CTNNA2: variants seen among roughly 807,000 people sequenced by gnomAD.
CTNNA2 encodes catenin alpha 2.
Under a neutral mutation model 101.0 loss-of-function variants are expected in CTNNA2, and 42 were observed. The ratio of observed to expected loss-of-function variants is 0.42; its 90% confidence interval spans 0.32 to 0.54. The LOEUF (loss-of-function observed/expected upper bound fraction) is 0.54, where lower values mean the gene tolerates loss of function less well. Among genes scored for constraint, CTNNA2 ranks in the 20% least tolerant of loss-of-function variants. CTNNA2 has a pLI of 0.14. For missense variants in CTNNA2, 871 were observed against 1,223.1 expected, an observed-to-expected ratio of 0.71 and a Z score of 4.29; for synonymous variants, 450 against 456.4, an observed-to-expected ratio of 0.99 and a Z score of 0.18.
intron 4 of CTNNA2, among the ~76,000 whole-genome samples, chr2:79,405,981 A>T (rs983565386): frequency 6.6e-6 from 1 of 152,074 alleles, no homozygotes; most frequent in Non-Finnish European, 1.5e-5. Flanking sequence ...AAGAGGAGGC[A>T]TACTCAACAG....
chr2:80,313,852 C>A (rs1315213568), intron 7 of CTNNA2, among the ~76,000 whole-genome samples: 1 of 152,180 alleles, frequency 6.6e-6, no homozygotes, highest in East Asian at 1.9e-4. Context: ...AAATGAGATA[C>A]TATGTGGGCT....
At chr2:79,389,806 C>G (rs1678152335) in intron 4 of CTNNA2, among the ~76,000 whole-genome samples, 2 of 152,052 alleles carry the variant, frequency 1.3e-5, no homozygotes, top group Admixed American at 1.3e-4. Flanking sequence ...TTGAATGAGA[C>G]TAATTTAGAG....
At chr2:80,168,308 A>C (rs1243374695) in intron 7 of CTNNA2, among the ~76,000 whole-genome samples, 1 of 152,178 alleles carries the variant, frequency 6.6e-6, no homozygotes, top group Non-Finnish European at 1.5e-5. Flanking sequence ...ACTAGTTTGA[A>C]ATAGGTGACA....
chr2:80,434,988 T>C (rs2149432560), intron 9 of CTNNA2, among the ~76,000 whole-genome samples: 1 of 152,198 alleles, frequency 6.6e-6, no homozygotes, highest in African/African-American at 2.4e-5. Context: ...TGTATCAGGG[T>C]TTCTCAACCT....
intron 12 of CTNNA2, among the ~76,000 whole-genome samples, chr2:80,562,645 T>C (rs1352428973): frequency 6.6e-6 from 1 of 151,906 alleles, no homozygotes; most frequent in Non-Finnish European, 1.5e-5. Context: ...TGCACAAGAT[T>C]ATTTATTACA....
intron 7 of CTNNA2, among the ~76,000 whole-genome samples, chr2:80,227,532 T>C (rs1039115734): frequency 2.0e-5 from 3 of 152,214 alleles, no homozygotes; most frequent in Non-Finnish European, 4.4e-5. Flanking sequence ...TCCTTCTCCA[T>C]AGAAGCACAG....
At chr2:80,601,636 C>CT (rs980726111) in intron 15 of CTNNA2, 4 of 151,304 alleles carry the variant, frequency 2.6e-5, no homozygotes, top group Non-Finnish European at 5.9e-5. Context: ...GCTGTCTTAT[C>CT]TTTTTTACTT....
chr2:79,386,192 G>A (rs955107303), intron 4 of CTNNA2, among the ~76,000 whole-genome samples: 6 of 152,232 alleles, frequency 3.9e-5, no homozygotes, highest in South Asian at 4.1e-4. Context: ...ACATATCTCC[G>A]TAATGCCTCT....
intron 7 of CTNNA2, among the ~76,000 whole-genome samples, chr2:80,087,107 T>C (rs985069469): frequency 3.3e-5 from 5 of 152,046 alleles, no homozygotes; most frequent in African/African-American, 1.2e-4. Flanking sequence ...TAGTAACAAT[T>C]GTTAGGCCTG....
chr2:80,107,768 C>T (rs975485220), intron 7 of CTNNA2, among the ~76,000 whole-genome samples: 8 of 152,206 alleles, frequency 5.3e-5, no homozygotes, highest in East Asian at 1.9e-4. Context: ...TAATAGAGCA[C>T]TGTAACACAC....
rs191807703 is a variant in CTNNA2, at chr2:80,639,751, A to G, written c.2575-7834A>G. 1.8e-3 allele frequency among the ~76,000 whole-genome samples: 280 copies of G among 152,334 alleles called. 1 individual carries two copies. Among genetic ancestry groups the G allele is most frequent in the Middle Eastern group, 6.8e-3 (2 of 294 alleles). On this transcript the variant is annotated intron_variant, in intron 18 of 18. Transcript: ENST00000402739. ...ATGGTATTAGTACAAAAAAGTGCAC[A>G]ATATGTCTGTAAAATCAGCTGTGGA... is the stretch of plus-strand genomic sequence containing the variant.
At chr2:79,461,810 A>G (rs549159145) in intron 4 of CTNNA2, among the ~76,000 whole-genome samples, 1 of 152,270 alleles carries the variant, frequency 6.6e-6, no homozygotes, top group Admixed American at 6.5e-5. Flanking sequence ...ATAAAGGTAA[A>G]ATTGATGAGG....
intron 1 of CTNNA2, among the ~76,000 whole-genome samples, chr2:79,612,851 T>A (rs1678373087): frequency 6.6e-6 from 1 of 152,198 alleles, no homozygotes; most frequent in Admixed American, 6.5e-5. Flanking sequence ...GTTTAATTTT[T>A]TTAAAATTAC....
chr2:79,698,651 C>G (rs1456358718), intron 2 of CTNNA2, among the ~76,000 whole-genome samples: 3 of 152,004 alleles, frequency 2.0e-5, no homozygotes, highest in African/African-American at 7.2e-5. Flanking sequence ...CTAGTTCACT[C>G]AGCACATAGT....
intron 7 of CTNNA2, among the ~76,000 whole-genome samples, chr2:80,053,002 G>T (rs1164593836): frequency 1.3e-5 from 2 of 152,026 alleles, no homozygotes; most frequent in Admixed American, 6.6e-5. Flanking sequence ...TGCTTCATTT[G>T]TTCCTTATGT....
intron 2 of CTNNA2, among the ~76,000 whole-genome samples, chr2:79,269,065 C>T (rs900422499): frequency 2.0e-4 from 31 of 151,888 alleles, no homozygotes; most frequent in African/African-American, 7.0e-4. Context: ...TCTATCTATG[C>T]GGTATGTTAG....
intron 7 of CTNNA2, among the ~76,000 whole-genome samples, chr2:80,331,540 G>A (rs1671332060): frequency 6.6e-6 from 1 of 152,170 alleles, no homozygotes; most frequent in Non-Finnish European, 1.5e-5. Flanking sequence ...GTCTTTACAA[G>A]TGTTCTCTGT....
At chr2:79,825,576 G>A (rs1678373804) in intron 3 of CTNNA2, among the ~76,000 whole-genome samples, 3 of 152,234 alleles carry the variant, frequency 2.0e-5, no homozygotes, top group South Asian at 2.1e-4. Context: ...TTGAGCAGCC[G>A]GGGAGAGGAG....
chr2:80,392,574 CTT>C (rs200126247), intron 7 of CTNNA2, among the ~76,000 whole-genome samples: 1 of 149,706 alleles, frequency 6.7e-6, no homozygotes, highest in Admixed American at 6.7e-5. Context: ...TTAAAGAACA[CTT>C]TTTTTTTTCT....
Sources: gnomAD v4.1 joint callset for allele counts (sites outside exome capture counted in the v4.1 genomes callset) on GRCh38, gnomAD v4.1.1 for gene constraint, MANE v1.5 for transcripts, NCBI Gene and HGNC (gene_info 2026-07-23, HGNC 2026-07-21) for gene names.